ESR1: variants seen among roughly 807,000 people sequenced by gnomAD.
The protein encoded by ESR1 is estrogen receptor 1, also known as estrogen receptor.
A neutral mutation model predicts 52.7 loss-of-function variants in ESR1; 12 were observed. The ratio of observed to expected loss-of-function variants is 0.23; its 90% CI spans 0.15 to 0.37. The LOEUF is 0.37. Among genes scored for constraint, ESR1 ranks in the 10% least tolerant of loss-of-function variants. ESR1 has a pLI of 1.00. For missense variants in ESR1, 584 were observed against 779.7 expected, an observed-to-expected ratio of 0.75 and a Z score of 2.99; for synonymous variants, 305 against 316.8, an observed-to-expected ratio of 0.96 and a Z score of 0.39.
At chr6:151,953,992 CTCCTT>C (rs2036620700) in intron 4 of ESR1, among the ~76,000 whole-genome samples, 3 of 152,158 alleles carry the variant, frequency 2.0e-5, no homozygotes, top group African/African-American at 7.2e-5. Context: ...TATTACATCT[CTCCTT>C]TCACCCCGCC....
chr6:151,873,323 C>G (rs1791288500), intron 2 of ESR1, among the ~76,000 whole-genome samples: 1 of 152,162 alleles, frequency 6.6e-6, no homozygotes, highest in Non-Finnish European at 1.5e-5. Flanking sequence ...AATATAATTC[C>G]TTCCTCATAA....
intron 3 of ESR1, among the ~76,000 whole-genome samples, chr6:151,922,453 A>G (rs1200210255): frequency 6.6e-6 from 1 of 152,212 alleles, no homozygotes; most frequent in East Asian, 1.9e-4. Flanking sequence ...AACAATTAGT[A>G]TCAGCCATCT....
chr6:152,048,703 G>C (rs750616439), intron 5 of ESR1, among the ~76,000 whole-genome samples: 1 of 152,008 alleles, frequency 6.6e-6, no homozygotes, highest in Non-Finnish European at 1.5e-5. Context: ...TATGTCCCTC[G>C]TGCCTAACAT....
At chr6:152,014,055 G>A (rs555787282) in intron 5 of ESR1, among the ~76,000 whole-genome samples, 2 of 152,088 alleles carry the variant, frequency 1.3e-5, no homozygotes, top group East Asian at 3.9e-4. Context: ...GATATCTAAT[G>A]GTTTTATAAA....
intron 2 of ESR1, among the ~76,000 whole-genome samples, chr6:151,871,136 C>T (rs1790874797): frequency 6.6e-6 from 1 of 152,048 alleles, no homozygotes; most frequent in Non-Finnish European, 1.5e-5. Flanking sequence ...CAGGCCTCCA[C>T]ACCCAGCCTT....
chr6:152,016,048 G>T (rs970142320), intron 5 of ESR1, among the ~76,000 whole-genome samples: 1 of 152,126 alleles, frequency 6.6e-6, no homozygotes, highest in Non-Finnish European at 1.5e-5. Context: ...CATGTGGGTT[G>T]TTTTCCCCAT....
At chr6:151,806,412 T>C (rs1174261950), upstream of ESR1, among the ~76,000 whole-genome samples, 1 of 151,690 alleles carries the variant, frequency 6.6e-6, no homozygotes, top group Non-Finnish European at 1.5e-5. Flanking sequence ...TAAAACAAAG[T>C]ATTGATAGTT....
intron 2 of ESR1, among the ~76,000 whole-genome samples, chr6:151,872,029 T>G (rs996551618): frequency 6.6e-6 from 1 of 152,200 alleles, no homozygotes; most frequent in Admixed American, 6.5e-5. Flanking sequence ...ACTGAGTAAT[T>G]TTGCTATGAA....
At chr6:151,770,456 C>T (rs186593305) in intron 2 of ESR1, among the ~76,000 whole-genome samples, 175 of 151,976 alleles carry the variant, frequency 1.2e-3, no homozygotes, top group African/African-American at 4.0e-3. Context: ...ATAATTCCAA[C>T]GATTTCATAA....
At chr6:151,739,348 A>G (rs1006964780) in intron 2 of ESR1, among the ~76,000 whole-genome samples, 13 of 152,324 alleles carry the variant, frequency 8.5e-5, no homozygotes, top group African/African-American at 2.6e-4. Context: ...CCATTGTAAT[A>G]ATCTCAGTCA....
chr6:151,709,288 C>T (rs554919940), intron 2 of ESR1, among the ~76,000 whole-genome samples: 12 of 152,204 alleles, frequency 7.9e-5, no homozygotes, highest in African/African-American at 1.9e-4. Flanking sequence ...CAGGTTCATC[C>T]GTGTTGTTGC....
At chr6:152,003,312 T>C (rs1397945152) in intron 4 of ESR1, among the ~76,000 whole-genome samples, 2 of 151,432 alleles carry the variant, frequency 1.3e-5, no homozygotes, top group Admixed American at 1.3e-4. Context: ...ACAACTTACT[T>C]GTTAAATGGA....
intron 1 of ESR1, among the ~76,000 whole-genome samples, chr6:151,692,665 T>C (rs1169478353): frequency 6.6e-6 from 1 of 152,224 alleles, no homozygotes; most frequent in East Asian, 1.9e-4. Flanking sequence ...AATGAAGTGC[T>C]ATTTTGAAAG....
chr6:152,045,151 G>A (rs1188718755), intron 5 of ESR1, among the ~76,000 whole-genome samples: 3 of 152,202 alleles, frequency 2.0e-5, no homozygotes, highest in Non-Finnish European at 4.4e-5. Context: ...ATGGTACATG[G>A]AGAAGCAGAA....
At chr6:151,932,769 T>C (rs1338903212) in intron 3 of ESR1, among the ~76,000 whole-genome samples, 3 of 151,634 alleles carry the variant, frequency 2.0e-5, no homozygotes, top group East Asian at 2.0e-4. Flanking sequence ...GTTGTAGGTA[T>C]GCGGCGTTAT....
chr6:152,026,052 C>A (rs1187173463), intron 5 of ESR1, among the ~76,000 whole-genome samples: 1 of 151,854 alleles, frequency 6.6e-6, no homozygotes, highest in African/African-American at 2.4e-5. Flanking sequence ...TTTATAAATA[C>A]TTTTGGCCTT....
At chr6:151,801,626 AG>A (rs912802730), upstream of ESR1, among the ~76,000 whole-genome samples, 2 of 152,224 alleles carry the variant, frequency 1.3e-5, no homozygotes, top group Non-Finnish European at 2.9e-5. Flanking sequence ...GGGAAAGAAA[AG>A]GCTGTTTAAA....
At chr6:151,944,039 A>T (rs1404405556) in intron 3 of ESR1, 134 bp from the exon 4 acceptor site, 1 of 717,226 alleles carries the variant, frequency 1.4e-6, no homozygotes, top group Non-Finnish European at 2.3e-6. Context: ...CACTTGTTGA[A>T]CACTTACCAG....
intron 1 of ESR1, among the ~76,000 whole-genome samples, chr6:151,826,835 A>G (rs1781583427): frequency 6.6e-6 from 1 of 152,194 alleles, no homozygotes; most frequent in African/African-American, 2.4e-5. Context: ...GTCTAATGGG[A>G]CAAATTGACA....
Sources: allele counts gnomAD v4.1 joint callset (sites outside exome capture counted in the v4.1 genomes callset), GRCh38; gene constraint gnomAD v4.1.1; transcripts MANE v1.5; gene names NCBI Gene and HGNC (gene_info 2026-07-23, HGNC 2026-07-21).